The following TEX14 variants were observed in gnomAD, a reference collection of about 807,000 sequenced individuals.
The protein encoded by TEX14 is inactive serine/threonine-protein kinase TEX14.
TEX14 carries 168 observed loss-of-function variants against 178.6 expected under a neutral mutation model. The ratio of observed to expected loss-of-function variants is 0.94; its 90% confidence interval spans 0.83 to 1.07. TEX14 has a LOEUF of 1.07. TEX14 is among the 50% of genes least tolerant of loss of function. The pLI, the probability that TEX14 is intolerant of heterozygous loss-of-function variation, is 0.00. For synonymous variants in TEX14, 626 were observed against 634.1 expected, an observed-to-expected ratio of 0.99 and a Z score of 0.19; for missense variants, 1,730 against 1,753.6, an observed-to-expected ratio of 0.99 and a Z score of 0.24.
chr17:58,605,401 C>G (rs1324263718), intron 10 of TEX14, among the ~76,000 whole-genome samples: 3 of 152,174 alleles, frequency 2.0e-5, no homozygotes, highest in African/African-American at 7.2e-5. Flanking sequence ...GCCATGTTGG[C>G]CAGGCTCGTG....
At chr17:58,573,046 G>A in intron 23 of TEX14, 135 bp downstream of exon 23, 1 of 1,277,596 alleles carries the variant, frequency 7.8e-7, no homozygotes, top group South Asian at 1.5e-5. Flanking sequence ...GGATTACCCA[G>A]TTTTGGCCCT....
chr17:58,600,322 G>A (rs1042933166), intron 13 of TEX14, among the ~76,000 whole-genome samples: 4 of 152,034 alleles, frequency 2.6e-5, no homozygotes, highest in South Asian at 2.1e-4. Context: ...TCAGGAGTTC[G>A]AGTGGTCTCA....
At chr17:58,656,932 A>C (rs1172517098) in intron 1 of TEX14, among the ~76,000 whole-genome samples, 5 of 89,308 alleles carry the variant, frequency 5.6e-5, no homozygotes, top group Non-Finnish European at 1.6e-4. Context: ...TCACAAAAAA[A>C]AAAAAAAAAA....
chr17:58,587,870 A>AC, intron 16 of TEX14, 26 bp downstream of exon 16: 3 of 748,446 alleles, frequency 4.0e-6, no homozygotes, highest in Non-Finnish European at 6.4e-6. Context: ...CTCCACCACC[A>AC]GTTTCCAGCC....
At chr17:58,628,503 G>A (rs961091095) in intron 3 of TEX14, among the ~76,000 whole-genome samples, 7 of 152,168 alleles carry the variant, frequency 4.6e-5, no homozygotes, top group African/African-American at 1.4e-4. Flanking sequence ...ATGAGGTCAG[G>A]AGATGGAGAC....
At chr17:58,568,539 G>C (rs1047334292) in intron 26 of TEX14, among the ~76,000 whole-genome samples, 1 of 152,212 alleles carries the variant, frequency 6.6e-6, no homozygotes, top group South Asian at 2.1e-4. Context: ...TGGTTGGCCA[G>C]GCTGTCAAGA....
At position 58,571,902 on chromosome 17, in the gene TEX14, G is replaced by A. The variant is rs373691333; in HGVS notation, c.3717+19C>T. On this transcript the variant is annotated intron_variant, in intron 24 of 31. Coordinates refer to ENST00000349033, the MANE Select transcript of TEX14 (RefSeq NM_031272.5). ...TGGGCTGACTCCATGAGTTTGTAAC[G>A]TGGAATTGATATACTTACAAGACCA... 5.0e-5 allele frequency: 80 copies of A among 1,606,506 alleles called. 1 individual carries two copies. The highest frequency in any genetic ancestry group is 1.3e-4 in the South Asian group (12 of 90,880).
intron 1 of TEX14, among the ~76,000 whole-genome samples, chr17:58,674,669 C>CA (rs1252509614): frequency 6.6e-6 from 1 of 151,012 alleles, no homozygotes; most frequent in African/African-American, 2.4e-5. Flanking sequence ...GAATCCATCT[C>CA]AAAAAACGAA....
chr17:58,608,356 G>C (rs1159735463), intron 10 of TEX14, among the ~76,000 whole-genome samples: 1 of 151,976 alleles, frequency 6.6e-6, no homozygotes, highest in South Asian at 2.1e-4. Flanking sequence ...GGCGGAGCTT[G>C]TAGTGAGCCG....
At chr17:58,617,866 A>T (rs1342360462) in intron 5 of TEX14, among the ~76,000 whole-genome samples, 1 of 152,106 alleles carries the variant, frequency 6.6e-6, no homozygotes, top group Non-Finnish European at 1.5e-5. Flanking sequence ...CTCATTTTTG[A>T]CTGTTAACAG....
rs545189844 is a variant in TEX14, at chr17:58,623,263, C to T, written c.252-251G>A. On this transcript the variant is annotated intron_variant, in intron 3 of 31. Coordinates refer to ENST00000349033, the MANE Select transcript of TEX14 (RefSeq NM_031272.5). Reference sequence around the variant, plus strand: ...AACCCTTCAAGGAAGTATCATTTCCCAATTTACAGATGAGGAAACAAAACG... The same window carrying T: ...AACCCTTCAAGGAAGTATCATTTCCTAATTTACAGATGAGGAAACAAAACG... Among the ~76,000 whole-genome samples the T allele has an allele frequency of 1.7e-3, 265 of 152,112 alleles. 5 individuals carry two copies. The highest frequency in any genetic ancestry group is 0.014 in the South Asian group (67 of 4,816).
At chr17:58,685,894 T>C (rs577055623) in intron 1 of TEX14, among the ~76,000 whole-genome samples, 140 of 145,032 alleles carry the variant, frequency 9.7e-4, no homozygotes, top group Non-Finnish European at 1.4e-3. Context: ...ACTCAGGAGG[T>C]TGAGGCAGGA....
chr17:58,609,331 G>C (rs1453541942), intron 10 of TEX14, among the ~76,000 whole-genome samples: 1 of 152,030 alleles, frequency 6.6e-6, no homozygotes, highest in Non-Finnish European at 1.5e-5. Flanking sequence ...GGATGGTCTC[G>C]ATTTCCTGAC....
At chr17:58,608,628 C>T (rs536212798) in intron 10 of TEX14, among the ~76,000 whole-genome samples, 38 of 152,322 alleles carry the variant, frequency 2.5e-4, no homozygotes, top group Non-Finnish European at 4.9e-4. Context: ...AGGCCCAGAG[C>T]TGGTGATGAA....
At chr17:58,625,686 A>G (rs527796207) in intron 3 of TEX14, among the ~76,000 whole-genome samples, 64 of 152,282 alleles carry the variant, frequency 4.2e-4, no homozygotes, top group African/African-American at 1.5e-3. Flanking sequence ...TGGTACACAC[A>G]GTGTTCAAAA....
At chr17:58,613,799 T>C (rs2045806642) in intron 8 of TEX14, among the ~76,000 whole-genome samples, 1 of 152,148 alleles carries the variant, frequency 6.6e-6, no homozygotes, top group South Asian at 2.1e-4. Flanking sequence ...TCCAAGTAGC[T>C]GGGATTACGG....
chr17:58,623,023 A>C lies in TEX14; in HGVS notation c.252-11T>G. 3.8e-6 allele frequency: 6 copies of C among 1,585,172 alleles called. No individual in the cohort carries two copies. The highest frequency in any genetic ancestry group is 5.2e-6 in the Non-Finnish European group (6 of 1,156,610). ...CCATCAAAGCAGCGGCTGGGGAGGGAGATGAGTACAATTGATGTCCATGGC... is the reference window on the plus strand; with the variant it reads ...CCATCAAAGCAGCGGCTGGGGAGGGCGATGAGTACAATTGATGTCCATGGC... On this transcript the variant is annotated splice_polypyrimidine_tract_variant and intron_variant, in intron 3 of 31. Coordinates refer to ENST00000349033, the MANE Select transcript of TEX14 (RefSeq NM_031272.5).
chr17:58,570,560 G>A (rs926792436), intron 24 of TEX14, 76 bp from the exon 25 acceptor site: 1 of 864,212 alleles, frequency 1.2e-6, no homozygotes, highest in Non-Finnish European at 1.7e-6. Flanking sequence ...GTCATTTCCA[G>A]TTGTTTTGTT....
At chr17:58,682,299 C>A (rs1037910034) in intron 1 of TEX14, among the ~76,000 whole-genome samples, 1 of 147,978 alleles carries the variant, frequency 6.8e-6, no homozygotes, top group Non-Finnish European at 1.5e-5. Flanking sequence ...ACTCTGTCGT[C>A]CAGGCTAGAG....
Sources: allele counts gnomAD v4.1 joint callset (sites outside exome capture counted in the v4.1 genomes callset), GRCh38; gene constraint gnomAD v4.1.1; transcripts MANE v1.5; gene names NCBI Gene and HGNC (gene_info 2026-07-23, HGNC 2026-07-21).